GARIN2: variants seen among roughly 807,000 people sequenced by gnomAD.
The protein encoded by GARIN2 is Golgi-associated RAB2 interactor protein 2.
the GARIN2 span, among the ~76,000 whole-genome samples, chr14:67,226,133 C>T: frequency 4.6e-5 from 7 of 152,164 alleles, no homozygotes; most frequent in East Asian, 5.8e-4. Flanking sequence ...CCTTCTGTCA[C>T]TCTGCCACCA....
At chr14:67,196,057 T>C in the GARIN2 span, among the ~76,000 whole-genome samples, 1 of 152,050 alleles carries the variant, frequency 6.6e-6, no homozygotes, top group Non-Finnish European at 1.5e-5. Context: ...AATAATGCTT[T>C]CTATGGGAAT....
chr14:67,203,472 A>T, the GARIN2 span, among the ~76,000 whole-genome samples: 1 of 152,204 alleles, frequency 6.6e-6, no homozygotes, highest in East Asian at 1.9e-4. Context: ...GACAATGGGT[A>T]TCCAACAGGC....
the GARIN2 span, chr14:67,200,094 A>T: frequency 9.9e-7 from 1 of 1,008,918 alleles, no homozygotes; most frequent in South Asian, 1.6e-5. Flanking sequence ...CTTATCCTGG[A>T]CCTCCTCCAA....
chr14:67,204,496 C>T, the GARIN2 span: 10 of 1,569,518 alleles, frequency 6.4e-6, no homozygotes, highest in Middle Eastern at 1.9e-4. Context: ...ATAAGCCTCC[C>T]ATCAGGTCTC....
At chr14:67,210,074 C>A in the GARIN2 span, among the ~76,000 whole-genome samples, 1 of 152,178 alleles carries the variant, frequency 6.6e-6, no homozygotes, top group Non-Finnish European at 1.5e-5. Flanking sequence ...GTTGTCAATT[C>A]AATTCACACC....
At chr14:67,222,026 G>A in the GARIN2 span, 1 of 527,650 alleles carries the variant, frequency 1.9e-6, no homozygotes, top group Non-Finnish European at 3.2e-6. Context: ...AAACATTATG[G>A]TACTTTACTA....
the GARIN2 span, chr14:67,199,503 A>T: frequency 6.2e-7 from 1 of 1,612,904 alleles, no homozygotes; most frequent in South Asian, 1.1e-5. Context: ...GCCTTTATTA[A>T]TTTTGCTTCA....
At chr14:67,225,432 A>C in the GARIN2 span, among the ~76,000 whole-genome samples, 3 of 152,176 alleles carry the variant, frequency 2.0e-5, no homozygotes, top group African/African-American at 7.2e-5. Flanking sequence ...CTGCTCTAGA[A>C]TCCATCATGG....
the GARIN2 span, among the ~76,000 whole-genome samples, chr14:67,225,941 G>GTGTGTGTGTGTGTC: frequency 1.5e-5 from 2 of 134,334 alleles, no homozygotes; most frequent in Non-Finnish European, 3.1e-5. Flanking sequence ...GTGTGTGTGT[G>GTGTGTGTGTGTGTC]TGTGTGTGTG....
the GARIN2 span, among the ~76,000 whole-genome samples, chr14:67,203,852 C>T: frequency 1.3e-5 from 2 of 152,192 alleles, no homozygotes; most frequent in African/African-American, 4.8e-5. Flanking sequence ...TCTGGGACTA[C>T]AGGCACACAC....
At chr14:67,200,187 T>C in the GARIN2 span, 14 of 1,148,512 alleles carry the variant, frequency 1.2e-5, no homozygotes, top group East Asian at 3.4e-4. Flanking sequence ...TGCGTGGACT[T>C]CCTCCACTGA....
the GARIN2 span, chr14:67,200,243 C>T: frequency 2.2e-6 from 2 of 919,694 alleles, no homozygotes; most frequent in African/African-American, 3.5e-5. Context: ...CACCCTATGG[C>T]TACCAGCCTC....
the GARIN2 span, among the ~76,000 whole-genome samples, chr14:67,194,201 A>G: frequency 3.8e-4 from 57 of 151,772 alleles, no homozygotes; most frequent in East Asian, 9.1e-3. Flanking sequence ...CGTCTCTACA[A>G]AAAAATACAT....
At chr14:67,212,521 G>T in the GARIN2 span, among the ~76,000 whole-genome samples, 24 of 149,742 alleles carry the variant, frequency 1.6e-4, no homozygotes, top group Non-Finnish European at 2.7e-4. Flanking sequence ...ATCCTGGGGG[G>T]TTGAGGCTGC....
At chr14:67,224,098 C>T in the GARIN2 span, 1 of 749,314 alleles carries the variant, frequency 1.3e-6, no homozygotes, top group Non-Finnish European at 1.6e-6. Context: ...TCTCTCAAAC[C>T]TCTCAGCAGT....
At chr14:67,198,049 A>G in the GARIN2 span, 1 of 1,313,166 alleles carries the variant, frequency 7.6e-7, no homozygotes, top group Non-Finnish European at 1.0e-6. Context: ...TATTGATAAA[A>G]TTTGCTGAAT....
the GARIN2 span, among the ~76,000 whole-genome samples, chr14:67,214,305 C>T: frequency 6.6e-6 from 1 of 152,110 alleles, no homozygotes; most frequent in Non-Finnish European, 1.5e-5. Context: ...CTAGGTCTAA[C>T]GTTTAAGTCT....
At chr14:67,215,864 C>T in the GARIN2 span, among the ~76,000 whole-genome samples, 1 of 152,072 alleles carries the variant, frequency 6.6e-6, no homozygotes, top group Non-Finnish European at 1.5e-5. Flanking sequence ...AAAATCATAC[C>T]ACAAATCAAA....
the GARIN2 span, among the ~76,000 whole-genome samples, chr14:67,192,554 G>T: frequency 6.6e-6 from 1 of 151,392 alleles, no homozygotes; most frequent in South Asian, 2.1e-4. Flanking sequence ...AGAGTGCAAG[G>T]AGCTTATCAG....
Sources: allele counts gnomAD v4.1 joint callset (sites outside exome capture counted in the v4.1 genomes callset), GRCh38; gene constraint gnomAD v4.1.1; transcripts MANE v1.5; gene names NCBI Gene and HGNC (gene_info 2026-07-23, HGNC 2026-07-21).